Variants in EFHC2 observed in about 807,000 individuals in gnomAD.
EFHC2 encodes the protein EF-hand domain containing 2, also known as EF-hand domain-containing family member C2.
Under a neutral mutation model 52.7 loss-of-function variants are expected in EFHC2, and 18 were observed. The observed-to-expected ratio is 0.34, with a 90% CI of 0.24 to 0.51. EFHC2 has a LOEUF of 0.51. Ranked by LOEUF, EFHC2 falls within the 20% of genes least tolerant of loss-of-function variation. The pLI, the probability that EFHC2 is intolerant of heterozygous loss-of-function variation, is 0.97. For missense variants in EFHC2, 513 were observed against 562.5 expected (o/e 0.91, Z 0.89); for synonymous variants, 203 against 204.1 (o/e 0.99, Z 0.04).
intron 14 of EFHC2, 150 bp downstream of exon 14, chrX:44,163,772 C>T: frequency 2.2e-6 from 1 of 445,148 alleles, no homozygotes; most frequent in South Asian, 4.1e-5. Context: ...GTAAATTAAC[C>T]TTTAACACAA....
chrX:44,316,141 T>C (rs1017988293), intron 1 of EFHC2, among the ~76,000 whole-genome samples: 33 of 111,903 alleles, frequency 2.9e-4, no homozygotes, highest in Admixed American at 1.6e-3. Context: ...CTCAGCTACC[T>C]GTCCCCCAGA....
chrX:44,217,084 G>A (rs751223134), intron 11 of EFHC2, among the ~76,000 whole-genome samples: 33 of 112,001 alleles, frequency 2.9e-4, no homozygotes, highest in Non-Finnish European at 6.2e-4. Context: ...TTTCTCAAAA[G>A]AAGACATACA....
chrX:44,309,875 A>T, intron 2 of EFHC2: 3 of 1,173,490 alleles, frequency 2.6e-6, no homozygotes, highest in Non-Finnish European at 3.5e-6. Flanking sequence ...TTCTTGACAC[A>T]AGGCATCGTT....
intron 2 of EFHC2, among the ~76,000 whole-genome samples, chrX:44,311,997 C>T (rs2037951012): frequency 8.9e-6 from 1 of 112,055 alleles, no homozygotes; most frequent in Non-Finnish European, 1.9e-5. Flanking sequence ...AAGCATTAGC[C>T]AAGAAAGATA....
rs778709817 is a variant in EFHC2 at position 44,244,407 on chromosome X, C to T, written c.1112-2118G>A. 4.5e-5 allele frequency among the ~76,000 whole-genome samples: 5 copies of T among 112,120 alleles called. No homozygotes were observed. The South Asian group carries it at 1.9e-3, about 42-fold the overall frequency. The stretch of plus-strand genomic sequence containing the variant: ...TTTGGTTTTCCATCATCCCAGCATC[C>T]TGCGTGTTTTAGGTGTTCAAAAATA... On this transcript the variant is annotated intron_variant, in intron 7 of 14. Coordinates refer to ENST00000420999, the MANE Select transcript of EFHC2 (RefSeq NM_025184.4).
intron 7 of EFHC2, among the ~76,000 whole-genome samples, chrX:44,247,631 T>G (rs2037410419): frequency 9.0e-6 from 1 of 111,245 alleles, no homozygotes; most frequent in South Asian, 3.8e-4. Flanking sequence ...TCCAAGACAC[T>G]CATAACACGG....
intron 1 of EFHC2, among the ~76,000 whole-genome samples, chrX:44,338,294 A>T (rs62590836): frequency 0.42 from 46,031 of 109,781 alleles, 7,103 homozygotes; most frequent in African/African-American, 0.47. Context: ...TTAAATAAGA[A>T]TTGCCCAGTC....
At chrX:44,273,426 G>A (rs1239421164) in intron 2 of EFHC2, among the ~76,000 whole-genome samples, 1 of 111,974 alleles carries the variant, frequency 8.9e-6, no homozygotes, top group African/African-American at 3.2e-5. Flanking sequence ...GAATAAGGAA[G>A]GGAAGGACAG....
At chrX:44,225,266 A>T (rs1268547466) in intron 11 of EFHC2, among the ~76,000 whole-genome samples, 10 of 107,633 alleles carry the variant, frequency 9.3e-5, no homozygotes, top group Non-Finnish European at 1.9e-4. Context: ...AAAAAAAAAC[A>T]AAAACCATTC....
chrX:44,256,095 T>C lies in EFHC2; in HGVS notation c.606+4980A>G, dbSNP rs1394653101. Among the ~76,000 whole-genome samples, 4 of 111,650 alleles carry C rather than the reference T, an allele frequency of 3.6e-5. No homozygotes were observed. The East Asian group carries it at 8.4e-4, about 24-fold the overall frequency. ...AACAAATGACAACAAAGACACAACA[T>C]ACCAGAATCTCTGGGACACAACTAA... On this transcript the variant is annotated intron_variant, in intron 4 of 14. Coordinates refer to ENST00000420999, the MANE Select transcript of EFHC2 (RefSeq NM_025184.4).
intron 14 of EFHC2, among the ~76,000 whole-genome samples, chrX:44,149,183 C>A (rs1384155307): frequency 8.9e-6 from 1 of 112,144 alleles, no homozygotes; most frequent in Non-Finnish European, 1.9e-5. Context: ...TGGCTTTGAC[C>A]TATGTACTAT....
Position 44,229,702 on chromosome X carries a change from T to C in EFHC2, c.1698A>G (p.Val566=), listed in dbSNP as rs1207110965. The change falls in exon 11 of 15, where the codon GTA becomes GTG. Residue 566 remains valine (V), a synonymous_variant. Transcript: ENST00000420999. ...EEGKSRELKQ[V]FKAADSKHTN... ...TGTGCTTAGAGTCAGCAGCTTTAAA[T>C]ACCTGCTTGAGCTCTCTGGATTTTC... 1 of 1,208,623 alleles carries C rather than the reference T, an allele frequency of 8.3e-7. No homozygotes were observed. Among genetic ancestry groups the C allele is most frequent in the East Asian group, 3.0e-5 (1 of 33,751 alleles).
chrX:44,187,972 T>TG (rs11386737), intron 11 of EFHC2, among the ~76,000 whole-genome samples: 1,062 of 104,210 alleles, frequency 0.01, 11 homozygotes, highest in African/African-American at 0.035. Context: ...AAAAAAGTGT[T>TG]TTTTTTTTTT....
intron 2 of EFHC2, among the ~76,000 whole-genome samples, chrX:44,273,338 C>T (rs1397391496): frequency 9.5e-6 from 1 of 104,858 alleles, no homozygotes; most frequent in African/African-American, 3.7e-5. Context: ...GCCCTGGAGA[C>T]CCCACCTTAC....
intron 2 of EFHC2, chrX:44,284,802 T>G (rs1462330247): frequency 9.0e-6 from 1 of 111,466 alleles, no homozygotes; most frequent in African/African-American, 3.3e-5. Flanking sequence ...CAAAGTAGAG[T>G]CATTTGTGAA....
intron 3 of EFHC2, among the ~76,000 whole-genome samples, chrX:44,267,247 T>C (rs1363031457): frequency 8.9e-6 from 1 of 112,129 alleles, no homozygotes; most frequent in Non-Finnish European, 1.9e-5. Context: ...AATGTTGTTT[T>C]AACTACATTC....
chrX:44,202,641 C>T (rs994699091), intron 11 of EFHC2, among the ~76,000 whole-genome samples: 2 of 111,349 alleles, frequency 1.8e-5, no homozygotes, highest in African/African-American at 6.6e-5. Context: ...AACTCTCAGA[C>T]TGAAACTGAG....
chrX:44,226,229 G>C (rs1405397091), intron 11 of EFHC2, among the ~76,000 whole-genome samples: 1 of 111,943 alleles, frequency 8.9e-6, no homozygotes, highest in Non-Finnish European at 1.9e-5. Context: ...AACTTTGCAG[G>C]ATGAGAGTTA....
In EFHC2 at chrX:44,331,245, G is replaced by GGCATTTATACC. The variant is rs1451917044; in HGVS notation, c.42+12301_42+12302insGGTATAAATGC. 3.6e-5 allele frequency among the ~76,000 whole-genome samples: 4 copies of GGCATTTATACC among 112,154 alleles called. No individual in the cohort carries two copies. In the East Asian group the frequency reaches 8.4e-4, roughly 23 times the overall value. ...GCAACCACCTGGATAAATGCCCAGG[G>GGCATTTATACC]ACTTATACCAAGTGGAAAAAACAAA... is the stretch of plus-strand genomic sequence containing the variant. On this transcript the variant is annotated intron_variant, in intron 1 of 14. Transcript: ENST00000420999.
Sources: allele counts gnomAD v4.1 joint callset (sites outside exome capture counted in the v4.1 genomes callset), GRCh38; gene constraint gnomAD v4.1.1; transcripts MANE v1.5; gene names NCBI Gene and HGNC (gene_info 2026-07-23, HGNC 2026-07-21).